SLC7A7: variants seen among roughly 807,000 people sequenced by gnomAD.
SLC7A7 encodes Y+L amino acid transporter 1.
SLC7A7 carries 39 observed loss-of-function variants against 47.9 expected under a neutral mutation model. The ratio of observed to expected loss-of-function variants is 0.81; its 90% confidence interval spans 0.63 to 1.06. The LOEUF (loss-of-function observed/expected upper bound fraction) is 1.06, where lower values mean the gene tolerates loss of function less well. SLC7A7 is among the 50% of genes least tolerant of loss of function. The probability of loss-of-function intolerance (pLI) is 0.00; values close to 1 mark genes in which losing one functional copy is unlikely to be tolerated. For missense variants in SLC7A7, 588 were observed against 632.0 expected, an observed-to-expected ratio of 0.93 and a Z score of 0.75; for synonymous variants, 234 against 242.8, an observed-to-expected ratio of 0.96 and a Z score of 0.34.
At chr14:22,815,234 G>C in intron 1 of SLC7A7, 86 bp downstream of exon 1, 1 of 390,812 alleles carries the variant, frequency 2.6e-6, no homozygotes, top group Non-Finnish European at 5.2e-6. Flanking sequence ...GCACTCGGGA[G>C]AAGAAGCGAT....
chr14:22,785,382 C>T (rs980240521), intron 2 of SLC7A7, among the ~76,000 whole-genome samples: 1 of 152,184 alleles, frequency 6.6e-6, no homozygotes, highest in Non-Finnish European at 1.5e-5. Context: ...CCTCTGTCTC[C>T]ACACAGAATG....
chr14:22,784,940 G>A (rs1234195017), intron 2 of SLC7A7, among the ~76,000 whole-genome samples: 3 of 152,166 alleles, frequency 2.0e-5, no homozygotes, highest in Non-Finnish European at 4.4e-5. Flanking sequence ...CAAAACTTAT[G>A]ATTACAGGCG....
chr14:22,815,908 G>A (rs2039401436), upstream of SLC7A7: 1 of 351,204 alleles, frequency 2.8e-6, no homozygotes, highest in Admixed American at 3.8e-5. Flanking sequence ...TACAGGAAGT[G>A]TAAGAGCAGT....
chr14:22,799,458 T>C (rs1222211114), intron 2 of SLC7A7, among the ~76,000 whole-genome samples: 5 of 135,188 alleles, frequency 3.7e-5, no homozygotes, highest in Non-Finnish European at 8.0e-5. Context: ...CTTTTTTTTT[T>C]TTTTTTTTTT....
intron 2 of SLC7A7, among the ~76,000 whole-genome samples, chr14:22,791,896 G>A (rs1039980949): frequency 1.3e-5 from 2 of 149,674 alleles, no homozygotes; most frequent in Non-Finnish European, 3.0e-5. Flanking sequence ...GTGCAGTGGC[G>A]CCATCTCGGC....
At chr14:22,793,231 T>A (rs2038958301) in intron 2 of SLC7A7, among the ~76,000 whole-genome samples, 1 of 152,080 alleles carries the variant, frequency 6.6e-6, no homozygotes, top group Non-Finnish European at 1.5e-5. Context: ...AAAATAAAAA[T>A]TTTAAAGAAA....
chr14:22,817,278 T>A, upstream of SLC7A7: 1 of 270,420 alleles, frequency 3.7e-6, no homozygotes, highest in Non-Finnish European at 7.4e-6. Flanking sequence ...CCTGAGTAAC[T>A]AGGATTACAC....
intron 2 of SLC7A7, among the ~76,000 whole-genome samples, chr14:22,781,042 CACT>C (rs2038710301): frequency 6.6e-6 from 1 of 152,120 alleles, no homozygotes; most frequent in Admixed American, 6.6e-5. Context: ...CAGATCTTCC[CACT>C]GGTAGCATAG....
At chr14:22,813,475 G>T in intron 1 of SLC7A7, 35 bp from the exon 2 acceptor site, 1 of 1,581,070 alleles carries the variant, frequency 6.3e-7, no homozygotes. Context: ...TAGATTAGGT[G>T]GTTGGCAATT....
intron 2 of SLC7A7, among the ~76,000 whole-genome samples, chr14:22,785,342 C>A (rs1447428371): frequency 6.6e-6 from 1 of 152,202 alleles, no homozygotes; most frequent in Non-Finnish European, 1.5e-5. Flanking sequence ...GCGTCTTCCT[C>A]CCAGCTTCTA....
chr14:22,807,276 G>A (rs2039229991), intron 2 of SLC7A7, among the ~76,000 whole-genome samples: 1 of 152,100 alleles, frequency 6.6e-6, no homozygotes, highest in Non-Finnish European at 1.5e-5. Context: ...CCTTCACATG[G>A]ATTCAGGTTT....
At chr14:22,781,379 TTC>T (rs529135660) in intron 2 of SLC7A7, among the ~76,000 whole-genome samples, 1 of 152,024 alleles carries the variant, frequency 6.6e-6, no homozygotes. Flanking sequence ...CTGCCCCATC[TTC>T]TCTCTCTCAC....
chr14:22,817,389 G>A (rs2039421795), upstream of SLC7A7: 1 of 166,986 alleles, frequency 6.0e-6, no homozygotes, highest in African/African-American at 2.4e-5. Flanking sequence ...GCCCAGGCTG[G>A]AGTGCAGTGG....
At chr14:22,807,705 G>C (rs1178432205) in intron 2 of SLC7A7, among the ~76,000 whole-genome samples, 2 of 152,092 alleles carry the variant, frequency 1.3e-5, no homozygotes, top group Non-Finnish European at 1.5e-5. Context: ...CCAACGACCT[G>C]GAATTCTCTG....
rs2038750181 is a variant in SLC7A7 at position 22,783,158 on chromosome 14, T to TC, written c.500-3108dup. On this transcript the variant is annotated intron_variant, in intron 2 of 9. Transcript: ENST00000674313. ...CATGTTGGTCAGGCTGGTCTCGAAC[T>TC]CCTGACCTTGTGATCTGCCCTCCTC... Among the ~76,000 whole-genome samples the TC allele has an allele frequency of 2.6e-5, 4 of 151,918 alleles. No individual in the cohort carries two copies. In the South Asian group the frequency reaches 8.3e-4, roughly 32 times the overall value.
rs769462657 is a variant in SLC7A7 at position 22,775,899 on chromosome 14, A to C, written c.932T>G (p.Ile311Arg). 1.2e-6 allele frequency: 2 copies of C among 1,614,120 alleles called. No homozygotes were observed. The highest frequency in any genetic ancestry group is 2.2e-5 in the South Asian group (2 of 91,074). Residue 311 changes from isoleucine to arginine, a missense_variant, in exon 6 of 10, where the codon ATA becomes AGA. Ile to Arg is a moderately conservative substitution (Grantham distance 97). Transcript: ENST00000674313. ...GGATAATGCAACTGACAGTGGAATT[A>C]TCCAGTTAAATATTCCAAATATCTG... Reference protein sequence around the residue: ...ADQIFGIFNWIIPLSVALSCF... With the variant: ...ADQIFGIFNWRIPLSVALSCF...
At chr14:22,777,770 T>C (rs916163211) in intron 4 of SLC7A7, among the ~76,000 whole-genome samples, 2 of 152,152 alleles carry the variant, frequency 1.3e-5, no homozygotes, top group African/African-American at 4.8e-5. Flanking sequence ...TTGTGATTCT[T>C]TTCACTTAAG....
At chr14:22,787,074 C>T (rs1417557846) in intron 2 of SLC7A7, among the ~76,000 whole-genome samples, 1 of 152,108 alleles carries the variant, frequency 6.6e-6, no homozygotes, top group Non-Finnish European at 1.5e-5. Context: ...CAAATCCCTT[C>T]TTTAATTTTG....
intron 2 of SLC7A7, among the ~76,000 whole-genome samples, chr14:22,789,907 C>T (rs182936155): frequency 6.6e-6 from 1 of 152,244 alleles, no homozygotes; most frequent in Non-Finnish European, 1.5e-5. Flanking sequence ...CAGAAAGAAA[C>T]ACAGTGCTAC....
Sources: allele counts gnomAD v4.1 joint callset (sites outside exome capture counted in the v4.1 genomes callset), GRCh38; gene constraint gnomAD v4.1.1; transcripts MANE v1.5; gene names NCBI Gene and HGNC (gene_info 2026-07-23, HGNC 2026-07-21).